NBEA: variants seen among roughly 807,000 people sequenced by gnomAD.
NBEA encodes the protein lysosomal-trafficking regulator 2.
In NBEA, 44 loss-of-function variants were observed where a neutral mutation model predicts 343.4. The observed-to-expected ratio is 0.13, with a 90% CI of 0.10 to 0.16. The LOEUF (loss-of-function observed/expected upper bound fraction) is 0.16, where lower values mean the gene tolerates loss of function less well. Ranked by LOEUF, NBEA falls within the 10% of genes least tolerant of loss-of-function variation. NBEA has a pLI of 1.00. For synonymous variants in NBEA, 1,175 were observed against 1,238.7 expected (o/e 0.95, Z 1.08); for missense variants, 2,555 against 3,631.3 (o/e 0.70, Z 7.62).
chr13:35,472,400 G>A lies in NBEA; in HGVS notation c.6449G>A (p.Gly2150Asp). 3 of 1,612,868 alleles carry A rather than the reference G, an allele frequency of 1.9e-6. No individual in the cohort carries two copies. Among genetic ancestry groups the A allele is most frequent in the Non-Finnish European group, 2.5e-6 (3 of 1,179,588 alleles). The change falls in exon 41 of 59, where the codon GGC (glycine) becomes GAC (aspartate). Residue 2150 changes from glycine (G) to aspartate (D), a missense_variant and splice_region_variant. Gly to Asp is a moderately conservative substitution (Grantham distance 94, BLOSUM62 -1). Transcript: ENST00000379939. ...LQEKEIDNLA[G>D]PVVLSTPAQL... ...GACTCCCCTTGTCCTTGCCTTGCAG[G>A]CCCAGTGGTTCTCAGCACCCCTGCC... is the stretch of plus-strand genomic sequence containing the variant.
At chr13:35,099,067 C>G (rs1454902855) in intron 11 of NBEA, among the ~76,000 whole-genome samples, 1 of 149,454 alleles carries the variant, frequency 6.7e-6, no homozygotes, top group Non-Finnish European at 1.5e-5. Context: ...ACTCTGTCTC[C>G]CACAGTGGAG....
At chr13:35,456,748 T>G (rs1336362119) in intron 40 of NBEA, among the ~76,000 whole-genome samples, 1 of 151,930 alleles carries the variant, frequency 6.6e-6, no homozygotes, top group African/African-American at 2.4e-5. Flanking sequence ...AGAATGGTAG[T>G]TCTGTCACAT....
In NBEA at chr13:35,609,398, T is replaced by G. The variant is rs117876968; in HGVS notation, c.7449+2820T>G. Among the ~76,000 whole-genome samples, 1,175 of 152,304 alleles carry G rather than the reference T, an allele frequency of 7.7e-3. 8 individuals carry two copies. Among genetic ancestry groups the G allele is most frequent in the Middle Eastern group, 0.024 (7 of 294 alleles). On this transcript the variant is annotated intron_variant, in intron 48 of 58. Coordinates refer to ENST00000379939, the MANE Select transcript of NBEA (RefSeq NM_001385012.1). ...TTAGGAAAGGGATTTGCCTTCTTAATAAAAGACTGAAAGTTTGAGAAGAAA... is the reference window on the plus strand; with the variant it reads ...TTAGGAAAGGGATTTGCCTTCTTAAGAAAAGACTGAAAGTTTGAGAAGAAA...
At chr13:35,569,177 T>G (rs1209642479) in intron 45 of NBEA, among the ~76,000 whole-genome samples, 1 of 152,180 alleles carries the variant, frequency 6.6e-6, no homozygotes, top group Non-Finnish European at 1.5e-5. Flanking sequence ...ACTACATACA[T>G]ATTGGATGAG....
At chr13:35,656,653 C>T (rs576827193) in intron 55 of NBEA, among the ~76,000 whole-genome samples, 2 of 152,204 alleles carry the variant, frequency 1.3e-5, no homozygotes, top group East Asian at 3.9e-4. Context: ...AAGAGATTGG[C>T]TAGAAATAAT....
intron 31 of NBEA, among the ~76,000 whole-genome samples, chr13:35,203,894 T>G (rs899564677): frequency 2.0e-5 from 3 of 152,008 alleles, no homozygotes; most frequent in Non-Finnish European, 4.4e-5. Flanking sequence ...TAGTTAAGAG[T>G]CTTAAAGATG....
Position 35,044,986 on chromosome 13 carries a change from G to A in NBEA, c.566G>A (p.Ser189Asn). The A allele has an allele frequency of 1.2e-6, 2 of 1,612,046 alleles. No homozygotes were observed. Among genetic ancestry groups the A allele is most frequent in the Non-Finnish European group, 1.7e-6 (2 of 1,179,006 alleles). ...VDMLGVLASY[S>N]ITVKELKLLF... ...ATGTTGGGGGTTCTTGCCAGCTACAGCATCACTGTCAAGGAGTTGAAGCTT... is the reference window on the plus strand; with the variant it reads ...ATGTTGGGGGTTCTTGCCAGCTACAACATCACTGTCAAGGAGTTGAAGCTT... The change falls in exon 3 of 59, where the codon AGC becomes AAC. Residue 189 changes from serine to asparagine, a missense_variant. By Grantham distance (46) the Ser-to-Asn change is conservative (BLOSUM62 1). Transcript: ENST00000379939.
intron 17 of NBEA, 150 bp downstream of exon 17, chr13:35,123,724 T>G (rs948832215): frequency 4.8e-5 from 19 of 392,544 alleles, no homozygotes; most frequent in Middle Eastern, 1.6e-3. Context: ...TAAAAATGTT[T>G]TATAAAATAT....
At chr13:35,042,204 A>G (rs986073034) in intron 2 of NBEA, among the ~76,000 whole-genome samples, 5 of 151,926 alleles carry the variant, frequency 3.3e-5, no homozygotes, top group African/African-American at 1.2e-4. Flanking sequence ...GAGAAAATAT[A>G]TTAAAAATCA....
chr13:35,063,189 T>C (rs1448245667), intron 8 of NBEA, among the ~76,000 whole-genome samples: 2 of 152,046 alleles, frequency 1.3e-5, no homozygotes, highest in East Asian at 3.9e-4. Flanking sequence ...CACTAATTCA[T>C]CCATTCATTC....
chr13:35,249,975 A>C (rs1263738857), intron 34 of NBEA, among the ~76,000 whole-genome samples: 1 of 152,222 alleles, frequency 6.6e-6, no homozygotes, highest in African/African-American at 2.4e-5. Context: ...TAAGCAAGTC[A>C]CAAAAACACA....
At chr13:35,299,302 C>T (rs1021493183) in intron 35 of NBEA, among the ~76,000 whole-genome samples, 30 of 151,764 alleles carry the variant, frequency 2.0e-4, no homozygotes, top group Non-Finnish European at 4.0e-4. Flanking sequence ...TCTCTAAGGA[C>T]GGTTTATTTA....
At position 35,204,170 on chromosome 13, in the gene NBEA, T is replaced by A. The variant is rs191223532; in HGVS notation, c.5367-4530T>A. 2.6e-5 allele frequency among the ~76,000 whole-genome samples: 4 copies of A among 152,286 alleles called. No individual in the cohort carries two copies. In the East Asian group the frequency reaches 7.7e-4, roughly 29 times the overall value. On this transcript the variant is annotated intron_variant, in intron 31 of 58. Transcript: ENST00000379939. ...TCAGATCAGTGGTGGCATTGGATTC[T>A]TCTAGGAGTACAAACCCTACTGTGA...
Position 35,356,464 on chromosome 13 carries a change from C to T in NBEA, c.6179+4141C>T, listed in dbSNP as rs555093168. Among the ~76,000 whole-genome samples, 12 of 152,236 alleles carry T rather than the reference C, an allele frequency of 7.9e-5. No individual in the cohort carries two copies. In the South Asian group the frequency reaches 2.3e-3, roughly 29 times the overall value. ...ATATATTATACAGTGTACGTTTCTA[C>T]TACAGAATGATGCTTTCAACTTGTA... On this transcript the variant is annotated intron_variant, in intron 38 of 58. Transcript: ENST00000379939.
intron 41 of NBEA, among the ~76,000 whole-genome samples, chr13:35,526,082 T>A (rs1020799034): frequency 6.6e-6 from 1 of 152,192 alleles, no homozygotes; most frequent in African/African-American, 2.4e-5. Flanking sequence ...TCCTTCCTCG[T>A]TGGTAAAATG....
chr13:35,052,032 A>G (rs561624594), intron 6 of NBEA, among the ~76,000 whole-genome samples: 2 of 152,156 alleles, frequency 1.3e-5, no homozygotes, highest in South Asian at 4.1e-4. Flanking sequence ...TCTCCTTTGT[A>G]AAGCTCTCAA....
intron 36 of NBEA, among the ~76,000 whole-genome samples, chr13:35,341,008 G>C (rs924647862): frequency 6.6e-6 from 1 of 152,004 alleles, no homozygotes; most frequent in African/African-American, 2.4e-5. Flanking sequence ...AAGCTACAGT[G>C]ATAAAAACAG....
intron 41 of NBEA, among the ~76,000 whole-genome samples, chr13:35,531,845 A>G (rs998696212): frequency 2.0e-4 from 30 of 152,244 alleles, no homozygotes; most frequent in Non-Finnish European, 4.0e-4. Context: ...AAGCATTAGC[A>G]TCAGACTTAA....
At chr13:35,338,765 A>G (rs540562544) in intron 36 of NBEA, among the ~76,000 whole-genome samples, 1 of 152,208 alleles carries the variant, frequency 6.6e-6, no homozygotes, top group East Asian at 1.9e-4. Flanking sequence ...TGGCAGATCT[A>G]CGTCAGCAAT....
Sources: gnomAD v4.1 joint callset for allele counts (sites outside exome capture counted in the v4.1 genomes callset) on GRCh38, gnomAD v4.1.1 for gene constraint, MANE v1.5 for transcripts, NCBI Gene and HGNC (gene_info 2026-07-23, HGNC 2026-07-21) for gene names.